FGF12: variants seen among roughly 807,000 people sequenced by gnomAD.
The protein encoded by FGF12 is fibroblast growth factor 12.
Under a neutral mutation model 23.6 loss-of-function variants are expected in FGF12, and 14 were observed. The ratio of observed to expected loss-of-function variants is 0.59; its 90% CI spans 0.39 to 0.93. The LOEUF (loss-of-function observed/expected upper bound fraction) is 0.93. FGF12 is among the 40% of genes least tolerant of loss of function. The pLI is 0.00. For missense variants in FGF12, 175 were observed against 217.8 expected, an observed-to-expected ratio of 0.80 and a Z score of 1.24; for synonymous variants, 62 against 77.3, an observed-to-expected ratio of 0.80 and a Z score of 1.04.
At chr3:192,225,240 C>T (rs943125759) in intron 4 of FGF12, among the ~76,000 whole-genome samples, 10 of 152,122 alleles carry the variant, frequency 6.6e-5, no homozygotes, top group African/African-American at 2.4e-4. Context: ...CCTCAGTATG[C>T]TCATCCTCCT....
intron 4 of FGF12, among the ~76,000 whole-genome samples, chr3:192,334,172 A>G (rs1231183785): frequency 6.6e-6 from 1 of 152,082 alleles, no homozygotes; most frequent in Non-Finnish European, 1.5e-5. Context: ...CCAGAGAACA[A>G]CTTCATCCTG....
chr3:192,441,717 G>A (rs1210173046), intron 2 of FGF12, among the ~76,000 whole-genome samples: 1 of 152,114 alleles, frequency 6.6e-6, no homozygotes, highest in African/African-American at 2.4e-5. Flanking sequence ...TTCCACTTTA[G>A]GAAACACAAT....
chr3:192,671,331 G>C (rs1717107551), intron 2 of FGF12, among the ~76,000 whole-genome samples: 1 of 152,198 alleles, frequency 6.6e-6, no homozygotes, highest in Admixed American at 6.6e-5. Context: ...CAGGTGAACA[G>C]TTGGGAAACT....
chr3:192,189,070 C>T (rs891669679), intron 4 of FGF12, among the ~76,000 whole-genome samples: 3 of 152,186 alleles, frequency 2.0e-5, no homozygotes, highest in Non-Finnish European at 2.9e-5. Context: ...CCTGGGACTC[C>T]GGCACATCAA....
chr3:192,296,617 A>G (rs1462860680), intron 4 of FGF12, among the ~76,000 whole-genome samples: 1 of 152,200 alleles, frequency 6.6e-6, no homozygotes, highest in Non-Finnish European at 1.5e-5. Flanking sequence ...TACCATCTTT[A>G]GTTGTACAGA....
At chr3:192,416,430 T>G (rs1721354469) in intron 2 of FGF12, among the ~76,000 whole-genome samples, 1 of 152,110 alleles carries the variant, frequency 6.6e-6, no homozygotes, top group South Asian at 2.1e-4. Flanking sequence ...ACAACTACAT[T>G]ATAGGACCTA....
chr3:192,688,441 T>C (rs1264251365), intron 2 of FGF12, among the ~76,000 whole-genome samples: 6 of 152,214 alleles, frequency 3.9e-5, no homozygotes, highest in African/African-American at 1.4e-4. Context: ...CATCAAATGC[T>C]ACATTTGTAA....
rs531973711 is a variant in FGF12, at chr3:192,648,105, T to C, written c.13+79076A>G. On this transcript the variant is annotated intron_variant, in intron 2 of 5. Coordinates refer to ENST00000445105, the MANE Select transcript of FGF12 (RefSeq NM_004113.6). ...CTAGGAGGTGGCATATTCAGTTTTA[T>C]ATCAATTCAAATCTTCTGACATCAA... Among the ~76,000 whole-genome samples, 3 of 152,208 alleles carry C rather than the reference T, an allele frequency of 2.0e-5. No individual in the cohort carries two copies. In the South Asian group the frequency reaches 6.2e-4, roughly 32 times the overall value.
At position 192,573,313 on chromosome 3, in the gene FGF12, T is replaced by C. The variant is rs75298859; in HGVS notation, c.13+153868A>G. Among the ~76,000 whole-genome samples the C allele has an allele frequency of 3.5e-3, 530 of 151,876 alleles. 2 individuals carry two copies. Among genetic ancestry groups the C allele is most frequent in the African/African-American group, 0.011 (454 of 41,408 alleles). ...TGTGTCAACTTGACCAGCCAAAGAG[T>C]GTCCAGATATATGTTCAAATATTAT... On this transcript the variant is annotated intron_variant, in intron 2 of 5. Coordinates refer to ENST00000445105, the MANE Select transcript of FGF12 (RefSeq NM_004113.6).
At chr3:192,353,637 G>C in intron 3 of FGF12, among the ~76,000 whole-genome samples, 1 of 152,032 alleles carries the variant, frequency 6.6e-6, no homozygotes, top group Non-Finnish European at 1.5e-5. Context: ...CCAGAGTGCT[G>C]GGATTACAGG....
At chr3:192,449,242 AG>A (rs1722450660) in intron 2 of FGF12, among the ~76,000 whole-genome samples, 1 of 152,162 alleles carries the variant, frequency 6.6e-6, no homozygotes, top group Non-Finnish European at 1.5e-5. Context: ...AGGGTGCTGG[AG>A]GAAGTGGTTT....
intron 2 of FGF12, among the ~76,000 whole-genome samples, chr3:192,570,239 G>A (rs1403384161): frequency 6.6e-6 from 1 of 152,060 alleles, no homozygotes; most frequent in East Asian, 1.9e-4. Flanking sequence ...TGGGGGGGAG[G>A]GCCATAGGTG....
intron 4 of FGF12, among the ~76,000 whole-genome samples, chr3:192,172,157 G>A (rs950562608): frequency 2.6e-5 from 4 of 151,596 alleles, no homozygotes; most frequent in East Asian, 1.9e-4. Context: ...GGGAGGTTGA[G>A]GTAAGCAGAT....
intron 4 of FGF12, among the ~76,000 whole-genome samples, chr3:192,235,034 A>G (rs1201018168): frequency 6.6e-6 from 1 of 152,096 alleles, no homozygotes; most frequent in African/African-American, 2.4e-5. Context: ...AGGTTTTGGT[A>G]TCAGAATGAT....
intron 2 of FGF12, among the ~76,000 whole-genome samples, chr3:192,460,535 G>C (rs1722828981): frequency 1.3e-5 from 2 of 151,918 alleles, no homozygotes; most frequent in African/African-American, 4.8e-5. Context: ...CGCAAGCAGA[G>C]TACACGTGCT....
At chr3:192,562,907 C>T (rs1712109554) in intron 2 of FGF12, among the ~76,000 whole-genome samples, 1 of 152,126 alleles carries the variant, frequency 6.6e-6, no homozygotes, top group African/African-American at 2.4e-5. Flanking sequence ...CGTTCTCTAT[C>T]AAGCATTCAC....
At chr3:192,244,080 GT>G (rs1719761033) in intron 4 of FGF12, among the ~76,000 whole-genome samples, 1 of 152,078 alleles carries the variant, frequency 6.6e-6, no homozygotes, top group East Asian at 1.9e-4. Flanking sequence ...GCTAGTGAAA[GT>G]GCAGAAAAAT....
At chr3:192,213,058 G>T (rs1718016520) in intron 4 of FGF12, among the ~76,000 whole-genome samples, 1 of 152,192 alleles carries the variant, frequency 6.6e-6, no homozygotes, top group Admixed American at 6.5e-5. Context: ...AGGTTATGAT[G>T]TGCCAATCTT....
chr3:192,367,461 T>C (rs1157477172), intron 2 of FGF12, among the ~76,000 whole-genome samples: 1 of 152,142 alleles, frequency 6.6e-6, no homozygotes, highest in Non-Finnish European at 1.5e-5. Context: ...GGTTAGAAAA[T>C]GTTCATAAGC....
Sources: gnomAD v4.1 joint callset for allele counts (sites outside exome capture counted in the v4.1 genomes callset) on GRCh38, gnomAD v4.1.1 for gene constraint, MANE v1.5 for transcripts, NCBI Gene and HGNC (gene_info 2026-07-23, HGNC 2026-07-21) for gene names.